Variants in UBXN7 observed in about 807,000 individuals in gnomAD.
UBXN7 encodes the protein UBX domain protein 7.
UBXN7 carries 9 observed loss-of-function variants against 58.0 expected under a neutral mutation model. The observed-to-expected ratio is 0.16, with a 90% CI of 0.09 to 0.27. The LOEUF (loss-of-function observed/expected upper bound fraction) is 0.27, where lower values mean the gene tolerates loss of function less well. Among genes scored for constraint, UBXN7 ranks in the 10% least tolerant of loss-of-function variants. The pLI is 1.00. For missense variants in UBXN7, 328 were observed against 599.6 expected, an observed-to-expected ratio of 0.55 and a Z score of 4.73; for synonymous variants, 208 against 205.0, an observed-to-expected ratio of 1.01 and a Z score of -0.12.
intron 5 of UBXN7, among the ~76,000 whole-genome samples, chr3:196,379,614 G>A (rs1185557184): frequency 6.6e-6 from 1 of 152,204 alleles, no homozygotes; most frequent in African/African-American, 2.4e-5. Flanking sequence ...TGCATTCAGA[G>A]TAGAGAGGAC....
chr3:196,432,026 T>A, intron 1 of UBXN7: 1 of 537,280 alleles, frequency 1.9e-6, no homozygotes, highest in Non-Finnish European at 3.4e-6. Context: ...CGCCCCCGGG[T>A]CCCCGGGCCG....
intron 1 of UBXN7, among the ~76,000 whole-genome samples, chr3:196,430,392 C>T (rs1019385013): frequency 6.6e-6 from 1 of 150,498 alleles, no homozygotes; most frequent in African/African-American, 2.4e-5. Context: ...TAATAAGTGG[C>T]TTTTTTTTTC....
intron 1 of UBXN7, among the ~76,000 whole-genome samples, chr3:196,409,940 CT>C (rs71621242): frequency 0.35 from 47,892 of 137,900 alleles, 7,429 homozygotes; most frequent in East Asian, 0.77. Context: ...TTAAAAGAAA[CT>C]TTTTTTTTTT....
chr3:196,394,919 C>T (rs1372760596), intron 3 of UBXN7, among the ~76,000 whole-genome samples: 1 of 152,148 alleles, frequency 6.6e-6, no homozygotes, highest in Non-Finnish European at 1.5e-5. Flanking sequence ...TCCACTACCC[C>T]TGTAGAGTGT....
Position 196,362,301 on chromosome 3 carries a change from A to G in UBXN7, c.1221T>C (p.Asp407=). 2 of 1,601,284 alleles carry G rather than the reference A, an allele frequency of 1.2e-6. No individual in the cohort carries two copies. Among genetic ancestry groups the G allele is most frequent in the Non-Finnish European group, 1.7e-6 (2 of 1,175,612 alleles). The change falls in exon 9 of 11, where the codon GAT becomes GAC. Residue 407 remains aspartate (D), a synonymous_variant. Coordinates refer to ENST00000296328, the MANE Select transcript of UBXN7 (RefSeq NM_015562.2). ...TGTCTAAATGTAACTTACCATTTAC[A>G]TCTATCCCCTCCACTACTCCATCTG... ...EKADGVVEGI[D]VNGPKAQLML...
chr3:196,405,866 T>C (rs1047391345), intron 2 of UBXN7, among the ~76,000 whole-genome samples: 1 of 152,198 alleles, frequency 6.6e-6, no homozygotes, highest in Non-Finnish European at 1.5e-5. Flanking sequence ...CCAAGTTATA[T>C]ATAGGGCAAT....
chr3:196,363,961 G>T (rs1042279607), intron 8 of UBXN7, among the ~76,000 whole-genome samples: 3 of 150,866 alleles, frequency 2.0e-5, no homozygotes, highest in Non-Finnish European at 4.4e-5. Flanking sequence ...ATCAAGAAAA[G>T]TTTATCTATT....
At chr3:196,367,833 T>C (rs1025137728) in intron 8 of UBXN7, among the ~76,000 whole-genome samples, 195 bp downstream of exon 8, 11 of 152,184 alleles carry the variant, frequency 7.2e-5, no homozygotes, top group Admixed American at 6.6e-5. Flanking sequence ...ATGAGTATCA[T>C]GATTTCACCA....
At chr3:196,383,436 C>CTTG (rs750644555) in intron 5 of UBXN7, among the ~76,000 whole-genome samples, 6 of 152,172 alleles carry the variant, frequency 3.9e-5, no homozygotes, top group Non-Finnish European at 7.3e-5. Context: ...CTCAGCTCTG[C>CTTG]AACAAGCAGA....
chr3:196,413,080 G>T (rs1405416808), intron 1 of UBXN7, among the ~76,000 whole-genome samples: 1 of 152,108 alleles, frequency 6.6e-6, no homozygotes, highest in Non-Finnish European at 1.5e-5. Flanking sequence ...GGTGGCTCAT[G>T]GCTGTAATTC....
At chr3:196,428,352 G>A (rs1001417811) in intron 1 of UBXN7, among the ~76,000 whole-genome samples, 1 of 151,556 alleles carries the variant, frequency 6.6e-6, no homozygotes, top group African/African-American at 2.4e-5. Flanking sequence ...TGCTCTGGAG[G>A]CTGAGGCAGG....
At chr3:196,396,046 G>A (rs991328890) in intron 3 of UBXN7, among the ~76,000 whole-genome samples, 3 of 152,154 alleles carry the variant, frequency 2.0e-5, no homozygotes, top group Non-Finnish European at 2.9e-5. Flanking sequence ...AATTACAGGA[G>A]TGAGCTACTG....
rs148275125 is a variant in UBXN7, at chr3:196,364,269, G to A, written c.835-1582C>T. On this transcript the variant is annotated intron_variant, in intron 8 of 10. Coordinates refer to ENST00000296328, the MANE Select transcript of UBXN7 (RefSeq NM_015562.2). Reference sequence around the variant, plus strand: ...TGACTCAAACATACTATAGAGGAAAGAAATCGTAAGATAATCTAAAATTGA... The same window carrying A: ...TGACTCAAACATACTATAGAGGAAAAAAATCGTAAGATAATCTAAAATTGA... Among the ~76,000 whole-genome samples the A allele has an allele frequency of 9.2e-5, 14 of 152,250 alleles. No homozygotes were observed. The East Asian group carries it at 2.7e-3, about 29-fold the overall frequency.
intron 1 of UBXN7, among the ~76,000 whole-genome samples, chr3:196,430,388 G>T (rs1004905386): frequency 4.6e-5 from 7 of 151,380 alleles, no homozygotes; most frequent in Non-Finnish European, 8.8e-5. Flanking sequence ...ATAATAATAA[G>T]TGGCTTTTTT....
At chr3:196,432,256 G>T in intron 1 of UBXN7, 71 bp downstream of exon 1, 1 of 1,587,686 alleles carries the variant, frequency 6.3e-7, no homozygotes, top group African/African-American at 1.3e-5. Flanking sequence ...TGAAGGTAAG[G>T]GGAAGCCCGG....
At chr3:196,362,865 A>ATG (rs1483855651) in intron 8 of UBXN7, among the ~76,000 whole-genome samples, 178 bp from the exon 9 acceptor site, 2 of 152,004 alleles carry the variant, frequency 1.3e-5, no homozygotes, top group Non-Finnish European at 2.9e-5. Flanking sequence ...AGATATATAT[A>ATG]TGTGTGTGTA....
At chr3:196,429,340 A>AT (rs1560248296) in intron 1 of UBXN7, among the ~76,000 whole-genome samples, 7 of 151,592 alleles carry the variant, frequency 4.6e-5, no homozygotes, top group Non-Finnish European at 1.0e-4. Context: ...AAAAAAAAAA[A>AT]CATCAGTCAT....
At chr3:196,418,800 G>T (rs932917331) in intron 1 of UBXN7, among the ~76,000 whole-genome samples, 1 of 152,166 alleles carries the variant, frequency 6.6e-6, no homozygotes, top group African/African-American at 2.4e-5. Flanking sequence ...CCATAGTAAC[G>T]GAAGTAACAA....
At chr3:196,358,886 C>A (rs1029250528) in intron 10 of UBXN7, among the ~76,000 whole-genome samples, 1 of 151,242 alleles carries the variant, frequency 6.6e-6, no homozygotes, top group Non-Finnish European at 1.5e-5. Flanking sequence ...GTCTCAAACT[C>A]CTGGACTCAA....
Sources: allele counts gnomAD v4.1 joint callset (sites outside exome capture counted in the v4.1 genomes callset), GRCh38; gene constraint gnomAD v4.1.1; transcripts MANE v1.5; gene names NCBI Gene and HGNC (gene_info 2026-07-23, HGNC 2026-07-21).